KIAA1217: variants seen among roughly 807,000 people sequenced by gnomAD.
The protein encoded by KIAA1217 is sickle tail protein homolog.
KIAA1217 carries 88 observed loss-of-function variants against 163.9 expected under a neutral mutation model. The ratio of observed to expected loss-of-function variants is 0.54; its 90% CI spans 0.45 to 0.64. The LOEUF is 0.64. Among genes scored for constraint, KIAA1217 ranks in the 30% least tolerant of loss-of-function variants. KIAA1217 has a pLI of 0.00. For missense variants in KIAA1217, 2,372 were observed against 2,475.0 expected, an observed-to-expected ratio of 0.96 and a Z score of 0.88; for synonymous variants, 903 against 923.1, an observed-to-expected ratio of 0.98 and a Z score of 0.39.
intron 1 of KIAA1217, among the ~76,000 whole-genome samples, chr10:23,737,844 T>C (rs1160018650): frequency 6.6e-6 from 1 of 152,178 alleles, no homozygotes; most frequent in African/African-American, 2.4e-5. Context: ...TCTCTATTTT[T>C]TGGATTCACA....
At chr10:24,082,519 G>A (rs2061571451) in intron 2 of KIAA1217, among the ~76,000 whole-genome samples, 1 of 152,126 alleles carries the variant, frequency 6.6e-6, no homozygotes, top group African/African-American at 2.4e-5. Context: ...TTCTGTGTTA[G>A]TTTGCTGAGG....
chr10:24,314,172 C>T (rs1001216668), intron 2 of KIAA1217, among the ~76,000 whole-genome samples: 10 of 152,092 alleles, frequency 6.6e-5, no homozygotes, highest in Non-Finnish European at 1.2e-4. Flanking sequence ...TCTGTACCTT[C>T]GTTTAAAAAA....
rs770010013 is a variant in KIAA1217 at position 24,365,346 on chromosome 10, C to T, written c.355-15523C>T. On this transcript the variant is annotated intron_variant, in intron 2 of 20. Coordinates refer to ENST00000376454, the MANE Select transcript of KIAA1217 (RefSeq NM_019590.5). Reference sequence around the variant, plus strand: ...AAGGGCTGTGGTTGTCCTGGTTCTCCTCCCGCAGCCGGTGTTACTTATCAT... The same window carrying T: ...AAGGGCTGTGGTTGTCCTGGTTCTCTTCCCGCAGCCGGTGTTACTTATCAT... Among the ~76,000 whole-genome samples the T allele has an allele frequency of 1.7e-3, 255 of 152,010 alleles. 1 individual carries two copies. The highest frequency in any genetic ancestry group is 3.1e-3 in the Non-Finnish European group (214 of 68,004).
At chr10:23,806,182 C>T (rs900401755) in intron 1 of KIAA1217, among the ~76,000 whole-genome samples, 2 of 152,016 alleles carry the variant, frequency 1.3e-5, no homozygotes, top group Non-Finnish European at 2.9e-5. Flanking sequence ...CATACACTTG[C>T]ACCTGTGTGC....
At chr10:23,854,611 G>T (rs1035555512) in intron 1 of KIAA1217, among the ~76,000 whole-genome samples, 32 of 152,116 alleles carry the variant, frequency 2.1e-4, no homozygotes, top group African/African-American at 7.5e-4. Context: ...TTTGACAGTG[G>T]GGTGTTAAAG....
chr10:23,702,973 G>T (rs951344138), intron 1 of KIAA1217, among the ~76,000 whole-genome samples: 2 of 151,980 alleles, frequency 1.3e-5, no homozygotes, highest in African/African-American at 4.8e-5. Flanking sequence ...TGATCCGCCC[G>T]CCTCGGCCTC....
intron 3 of KIAA1217, among the ~76,000 whole-genome samples, chr10:24,425,233 A>G (rs2059084786): frequency 6.6e-6 from 1 of 152,258 alleles, no homozygotes; most frequent in South Asian, 2.1e-4. Flanking sequence ...AAGATGATAC[A>G]GAAAATCATA....
At chr10:24,253,967 A>G (rs1338786971) in intron 2 of KIAA1217, among the ~76,000 whole-genome samples, 3 of 151,694 alleles carry the variant, frequency 2.0e-5, no homozygotes, top group African/African-American at 7.3e-5. Flanking sequence ...TCTTGATCAC[A>G]AAAAAAAGGA....
At position 24,438,490 on chromosome 10, in the gene KIAA1217, C is replaced by A; in HGVS notation, c.846+11C>A. On this transcript the variant is annotated intron_variant, in intron 5 of 20. Transcript: ENST00000376454. ...AATGGAGACATGAGGGTAAGTGTTT[C>A]TGTCATATTTTTACTTATCTTCAGT... 6.3e-7 allele frequency: 1 copy of A among 1,580,188 alleles called. No individual in the cohort carries two copies. Among genetic ancestry groups the A allele is most frequent in the East Asian group, 2.2e-5 (1 of 44,682 alleles).
intron 8 of KIAA1217, among the ~76,000 whole-genome samples, chr10:24,497,917 G>A (rs990312249): frequency 2.6e-5 from 4 of 151,904 alleles, no homozygotes; most frequent in African/African-American, 9.7e-5. Context: ...TAAAATCTCC[G>A]ACTTCTCCAC....
chr10:23,963,071 T>C (rs1334213663), intron 1 of KIAA1217, among the ~76,000 whole-genome samples: 1 of 152,238 alleles, frequency 6.6e-6, no homozygotes, highest in Non-Finnish European at 1.5e-5. Context: ...TTGACCTTTT[T>C]TCGACCTACA....
At chr10:23,867,591 G>A (rs571858058) in intron 1 of KIAA1217, among the ~76,000 whole-genome samples, 3 of 152,118 alleles carry the variant, frequency 2.0e-5, no homozygotes, top group Admixed American at 2.0e-4. Context: ...TTGCATTTCT[G>A]TGATGGCCAG....
chr10:24,193,218 C>T (rs879597375), intron 2 of KIAA1217, among the ~76,000 whole-genome samples: 2 of 152,228 alleles, frequency 1.3e-5, no homozygotes, highest in Non-Finnish European at 2.9e-5. Context: ...AGCCACCACA[C>T]CTAACCTAAG....
chr10:24,198,426 C>T lies in KIAA1217; in HGVS notation c.-170-21200C>T, dbSNP rs897910865. Among the ~76,000 whole-genome samples the T allele has an allele frequency of 6.6e-5, 10 of 151,942 alleles. 1 individual carries two copies. The South Asian group carries it at 8.3e-4, about 13-fold the overall frequency. ...GAGTTTGAGACCAGCCTGGCCAACA[C>T]GGCAAAACTCCATCTGTACTAAAAA... On this transcript the variant is annotated intron_variant, in intron 2 of 18. Transcript: ENST00000376462.
chr10:23,943,748 A>G (rs1462700088), intron 1 of KIAA1217, among the ~76,000 whole-genome samples: 1 of 152,266 alleles, frequency 6.6e-6, no homozygotes, highest in Non-Finnish European at 1.5e-5. Context: ...TAATCAGGAC[A>G]GTATGGCAGT....
chr10:24,419,339 T>C (rs919138052), intron 3 of KIAA1217, among the ~76,000 whole-genome samples: 66 of 152,288 alleles, frequency 4.3e-4, no homozygotes, highest in African/African-American at 1.5e-3. Flanking sequence ...AGCTCTCTTT[T>C]GTCACTTTTA....
chr10:23,805,287 C>T (rs1469421322), intron 1 of KIAA1217, among the ~76,000 whole-genome samples: 8 of 152,132 alleles, frequency 5.3e-5, no homozygotes, highest in Admixed American at 5.2e-4. Context: ...CAATGATAGA[C>T]TGTATAAAGA....
intron 1 of KIAA1217, among the ~76,000 whole-genome samples, chr10:23,737,075 T>A (rs764468959): frequency 6.6e-6 from 1 of 152,274 alleles, no homozygotes; most frequent in Non-Finnish European, 1.5e-5. Context: ...TTTATTTGAA[T>A]CTTTAATGTC....
chr10:24,503,601 C>T (rs2067956838), intron 9 of KIAA1217, among the ~76,000 whole-genome samples: 1 of 152,130 alleles, frequency 6.6e-6, no homozygotes, highest in South Asian at 2.1e-4. Context: ...AATAAGTATC[C>T]AGTGTTTCTA....
Sources: gnomAD v4.1 joint callset for allele counts (sites outside exome capture counted in the v4.1 genomes callset) on GRCh38, gnomAD v4.1.1 for gene constraint, MANE v1.5 for transcripts, NCBI Gene and HGNC (gene_info 2026-07-23, HGNC 2026-07-21) for gene names.